The following ZNF362 variants were observed in gnomAD, a reference collection of about 807,000 sequenced individuals.
ZNF362 encodes zinc finger protein 362, also known as rotund homolog.
ZNF362 carries 11 observed loss-of-function variants against 42.9 expected under a neutral mutation model. The observed-to-expected ratio is 0.26, with a 90% CI of 0.16 to 0.42. The LOEUF (loss-of-function observed/expected upper bound fraction) is 0.42. ZNF362 is among the 20% of genes least tolerant of loss of function. ZNF362 has a pLI of 1.00. For missense variants in ZNF362, 362 were observed against 576.2 expected (o/e 0.63, Z 3.81); for synonymous variants, 255 against 257.3 (o/e 0.99, Z 0.09).
At chr1:33,196,952 T>C in the ZNF362 span, among the ~76,000 whole-genome samples, 111,224 of 152,056 alleles carry the variant, frequency 0.73, 40,885 homozygotes, top group Non-Finnish European at 0.76. Flanking sequence ...TTTGAGTTGG[T>C]GGACTGGGAG....
chr1:33,238,119 C>G, the ZNF362 span, among the ~76,000 whole-genome samples: 10 of 151,984 alleles, frequency 6.6e-5, no homozygotes, highest in African/African-American at 2.4e-4. Context: ...GCGTTCAAGA[C>G]CAGCCTGGCC....
chr1:33,155,017 C>T, the ZNF362 span, among the ~76,000 whole-genome samples: 4 of 148,322 alleles, frequency 2.7e-5, no homozygotes, highest in Non-Finnish European at 6.0e-5. Context: ...GGCGTGAACC[C>T]GGGAGGCAGA....
chr1:33,166,271 T>C, the ZNF362 span: 1 of 152,194 alleles, frequency 6.6e-6, no homozygotes, highest in Non-Finnish European at 1.5e-5. Context: ...AATGAAATAA[T>C]AATAGAAATA....
At chr1:33,244,220 A>G in the ZNF362 span, among the ~76,000 whole-genome samples, 1 of 151,720 alleles carries the variant, frequency 6.6e-6, no homozygotes, top group Admixed American at 6.6e-5. The surrounding 1 kb of genome is among the most constrained non-coding windows in gnomAD (Gnocchi z 4.0). Context: ...TGTGTGTTCT[A>G]GTATCAGGGA....
the ZNF362 span, among the ~76,000 whole-genome samples, chr1:33,215,403 A>C: frequency 6.6e-6 from 1 of 152,202 alleles, no homozygotes; most frequent in Non-Finnish European, 1.5e-5. Context: ...ACAAAAATAT[A>C]CTTATATAGA....
the ZNF362 span, among the ~76,000 whole-genome samples, chr1:33,162,442 T>G: frequency 6.6e-6 from 1 of 152,226 alleles, no homozygotes; most frequent in African/African-American, 2.4e-5. Flanking sequence ...ACAGTCTTAA[T>G]ACATTGTCCC....
chr1:33,144,002 TAAA>T, the ZNF362 span, among the ~76,000 whole-genome samples: 70 of 152,332 alleles, frequency 4.6e-4, no homozygotes, highest in African/African-American at 1.5e-3. Context: ...AAAAGATAAA[TAAA>T]CCTAGTCCTT....
chr1:33,297,945 T>A (rs4652994), intron 8 of ZNF362, among the ~76,000 whole-genome samples: 70,876 of 152,094 alleles, frequency 0.47, 17,119 homozygotes, highest in African/African-American at 0.6. Context: ...AATAGTTTCC[T>A]AGCTAGGAAT....
At chr1:33,188,654 T>C in the ZNF362 span, among the ~76,000 whole-genome samples, 102 of 152,328 alleles carry the variant, frequency 6.7e-4, no homozygotes, top group Middle Eastern at 3.4e-3. Context: ...TTTGACAGAT[T>C]GGACACTTAG....
the ZNF362 span, among the ~76,000 whole-genome samples, chr1:33,228,380 C>T: frequency 6.6e-6 from 1 of 152,126 alleles, no homozygotes; most frequent in Non-Finnish European, 1.5e-5. Flanking sequence ...AAATTTTTGT[C>T]CCCAGTCCTG....
the ZNF362 span, chr1:33,164,269 C>T: frequency 5.2e-5 from 8 of 152,432 alleles, no homozygotes; most frequent in South Asian, 1.7e-3. Context: ...GGGCATAGAT[C>T]TGGGTTTCCA....
chr1:33,141,176 C>G, the ZNF362 span, among the ~76,000 whole-genome samples: 1 of 152,052 alleles, frequency 6.6e-6, no homozygotes, highest in Non-Finnish European at 1.5e-5. Context: ...CCCTCCTTCT[C>G]CTCTCGGAGG....
At chr1:33,128,288 G>A in the ZNF362 span, among the ~76,000 whole-genome samples, 1 of 151,934 alleles carries the variant, frequency 6.6e-6, no homozygotes. Flanking sequence ...GTGGGAGGAG[G>A]ATTGCTTGAG....
the ZNF362 span, among the ~76,000 whole-genome samples, chr1:33,189,671 ATG>A: frequency 0.76 from 79,446 of 104,942 alleles, 32,000 homozygotes; most frequent in Non-Finnish European, 0.82. Context: ...ATATATATAT[ATG>A]TATATATATA....
the ZNF362 span, chr1:33,147,417 C>T: frequency 1.2e-6 from 2 of 1,614,154 alleles, no homozygotes; most frequent in Non-Finnish European, 1.7e-6. The surrounding 1 kb of genome is among the most constrained non-coding windows in gnomAD (Gnocchi z 8.1). Flanking sequence ...AGGCGCTGTA[C>T]TGGTTGCCAT....
At chr1:33,190,728 G>T in the ZNF362 span, among the ~76,000 whole-genome samples, 64 of 152,330 alleles carry the variant, frequency 4.2e-4, no homozygotes, top group African/African-American at 1.4e-3. Context: ...ATCAACTTGT[G>T]TAGTGCTGGG....
chr1:33,159,001 C>T, the ZNF362 span, among the ~76,000 whole-genome samples: 6 of 151,990 alleles, frequency 3.9e-5, no homozygotes, highest in Non-Finnish European at 5.9e-5. The surrounding 1 kb of genome is among the most constrained non-coding windows in gnomAD (Gnocchi z 4.2). Context: ...CCACCACGCC[C>T]GGCTAATTTT....
chr1:33,160,082 T>A, the ZNF362 span: 1 of 1,088,766 alleles, frequency 9.2e-7, no homozygotes, highest in Non-Finnish European at 1.3e-6. Flanking sequence ...AAATGTCACA[T>A]GCAAAAGCAT....
the ZNF362 span, among the ~76,000 whole-genome samples, chr1:33,198,220 A>G: frequency 6.6e-6 from 1 of 152,272 alleles, no homozygotes; most frequent in African/African-American, 2.4e-5. Flanking sequence ...AAGAAGAGAA[A>G]AGTCGGCCAA....
Sources: gnomAD v4.1 joint callset for allele counts (sites outside exome capture counted in the v4.1 genomes callset) on GRCh38, gnomAD v4.1.1 for gene constraint, Gnocchi (gnomAD v3.1) non-coding constraint, MANE v1.5 for transcripts, NCBI Gene and HGNC (gene_info 2026-07-23, HGNC 2026-07-21) for gene names.